The following LTBP3 variants were observed in gnomAD, a reference collection of about 807,000 sequenced individuals.
LTBP3 encodes the protein latent transforming growth factor beta binding protein 3.
Under a neutral mutation model 159.7 loss-of-function variants are expected in LTBP3, and 97 were observed. The ratio of observed to expected loss-of-function variants is 0.61; its 90% CI spans 0.52 to 0.72. The LOEUF (loss-of-function observed/expected upper bound fraction) is 0.72, where lower values mean the gene tolerates loss of function less well. Among genes scored for constraint, LTBP3 ranks in the 30% least tolerant of loss-of-function variants. LTBP3 has a pLI of 0.00. For synonymous variants in LTBP3, 824 were observed against 777.1 expected (o/e 1.06, Z -1.00); for missense variants, 1,584 against 1,864.3 (o/e 0.85, Z 2.77).
chr11:65,553,413 C>G lies in LTBP3; in HGVS notation c.970+12G>C. 2 of 1,608,642 alleles carry G rather than the reference C, an allele frequency of 1.2e-6. No individual in the cohort carries two copies. The highest frequency in any genetic ancestry group is 8.5e-7 in the Non-Finnish European group (1 of 1,177,000). On this transcript the variant is annotated intron_variant, in intron 4 of 27. Coordinates refer to ENST00000301873, the MANE Select transcript of LTBP3 (RefSeq NM_001130144.3). This position sits in a 1 kb window ranked among gnomAD's most constrained non-coding sequence, Gnocchi z 6.5. ...ACCAGATAGGGAACGCCCCCTGAGC[C>G]CAAGCACTCACACTGCAGCTGGGGA...
chr11:65,552,594 C>A lies in LTBP3; in HGVS notation c.1187-188G>T, dbSNP rs972729215. Among the ~76,000 whole-genome samples, 1 of 152,118 alleles carries A rather than the reference C, an allele frequency of 6.6e-6. No homozygotes were observed. On this transcript the variant is annotated intron_variant, in intron 6 of 27. Transcript: ENST00000301873. This position sits in a 1 kb window ranked among gnomAD's most constrained non-coding sequence, Gnocchi z 6.0. ...TGTGACCACTGACCCCATTGACTCC[C>A]GATTCTAGCTATCCTGGACTTCACC...
chr11:65,556,155 C>T (rs968192521), intron 1 of LTBP3, among the ~76,000 whole-genome samples: 1 of 152,088 alleles, frequency 6.6e-6, no homozygotes, highest in East Asian at 1.9e-4. Context: ...GATGGACACA[C>T]GTACACTCAC....
At chr11:65,543,620 C>G (rs1856248664) in intron 16 of LTBP3, 71 bp from the exon 17 acceptor site, 1 of 1,595,748 alleles carries the variant, frequency 6.3e-7, no homozygotes, top group African/African-American at 1.3e-5. Context: ...TTTCTCACTT[C>G]TGCGCATGGC....
At chr11:65,548,947 G>A (rs920695462) in intron 11 of LTBP3, 6 of 152,186 alleles carry the variant, frequency 3.9e-5, no homozygotes, top group South Asian at 2.1e-4. Flanking sequence ...CAGCTGGGTT[G>A]GCAGTTCCCT....
chr11:65,541,474 C>T (rs1468602247), intron 19 of LTBP3, 126 bp downstream of exon 19: 1 of 1,526,368 alleles, frequency 6.6e-7, no homozygotes, highest in African/African-American at 1.4e-5. Flanking sequence ...ACCAGACTCC[C>T]CCAGCCAAAA....
Position 65,552,298 on chromosome 11 carries a change from A to G in LTBP3, c.1295T>C (p.Val432Ala). Residue 432 changes from valine (V) to alanine (A), a missense_variant, in exon 7 of 28, where the codon GTC (valine) becomes GCC (alanine). Val to Ala is a moderately conservative substitution (Grantham distance 64). Around this residue, in one of 6 missense-constraint regions of LTBP3, gnomAD observed 156 missense variants for 259.7 expected, o/e 0.60. Coordinates refer to ENST00000301873, the MANE Select transcript of LTBP3 (RefSeq NM_001130144.3). This position sits in a 1 kb window ranked among gnomAD's most constrained non-coding sequence, Gnocchi z 6.0. The part of the protein sequence containing the change: ...RLTRQLCCCS[V>A]GKAWGARCQR... ...ACACCGCGCGCCCCAGGCCTTGCCG[A>G]CACTGCAGCAGCAGAGCTGGCGGGT... The G allele has an allele frequency of 6.2e-7, 1 of 1,614,130 alleles. No individual in the cohort carries two copies. The highest frequency in any genetic ancestry group is 8.5e-7 in the Non-Finnish European group (1 of 1,180,014).
rs750231928 is a variant in LTBP3, at chr11:65,553,226, C to A, written c.1001G>T (p.Arg334Leu). The A allele has an allele frequency of 6.2e-7, 1 of 1,614,142 alleles. No homozygotes were observed. Among genetic ancestry groups the A allele is most frequent in the Non-Finnish European group, 8.5e-7 (1 of 1,180,014 alleles). The change falls in exon 5 of 28, where the codon CGT becomes CTT. Residue 334 changes from arginine (R) to leucine (L), a missense_variant. Physicochemically the swap from Arg to Leu is moderately radical, Grantham distance 102. This residue lies in a region of LTBP3 where 156 missense variants were observed against 259.7 expected (regional missense o/e 0.60). Transcript: ENST00000301873. This position sits in a 1 kb window ranked among gnomAD's most constrained non-coding sequence, Gnocchi z 6.5. ...YTGVQKPGPV[R>L]GEVGADCPQG... ...GGGACAGTCAGCGCCCACTTCCCCA[C>A]GTACAGGCCCTGGCTTCTGCACTCC...
intron 11 of LTBP3, among the ~76,000 whole-genome samples, chr11:65,549,567 C>CTTTTTTTTTTTTTTTTTT (rs748132211): frequency 6.2e-5 from 4 of 64,746 alleles, no homozygotes; most frequent in East Asian, 4.9e-4. Flanking sequence ...CCCAGCTAAT[C>CTTTTTTTTTTTTTTTTTT]TTTTTTTTTT....
chr11:65,554,699 C>G lies in LTBP3; in HGVS notation c.332-319G>C, dbSNP rs1261425100. 6.6e-6 allele frequency among the ~76,000 whole-genome samples: 1 copy of G among 152,084 alleles called. No homozygotes were observed. The highest frequency in any genetic ancestry group is 2.4e-5 in the African/African-American group (1 of 41,390). Reference sequence around the variant, plus strand: ...AGATGAGGTAAGGGCTGTACAAATGCTTACCCCAGGGCCTGGTACACAAAG... The same window carrying G: ...AGATGAGGTAAGGGCTGTACAAATGGTTACCCCAGGGCCTGGTACACAAAG... On this transcript the variant is annotated intron_variant, in intron 1 of 27. Coordinates refer to ENST00000301873, the MANE Select transcript of LTBP3 (RefSeq NM_001130144.3). This position sits in a 1 kb window ranked among gnomAD's most constrained non-coding sequence, Gnocchi z 5.3.
Position 65,553,977 on chromosome 11 carries a change from T to C in LTBP3, c.661+74A>G, listed in dbSNP as rs1161527942. On this transcript the variant is annotated intron_variant, in intron 2 of 27. Coordinates refer to ENST00000301873, the MANE Select transcript of LTBP3 (RefSeq NM_001130144.3). This position sits in a 1 kb window ranked among gnomAD's most constrained non-coding sequence, Gnocchi z 6.5. ...TCACCGCGCTGAGCTCCTCCAGGGC[T>C]GAACCTGCCCTGCCCTGGCCACCCT... 3 of 1,567,086 alleles carry C rather than the reference T, an allele frequency of 1.9e-6. No individual in the cohort carries two copies. Among genetic ancestry groups the C allele is most frequent in the Non-Finnish European group, 2.6e-6 (3 of 1,156,238 alleles).
chr11:65,552,246 A>G lies in LTBP3; in HGVS notation c.1345+2T>C. On this transcript the variant is annotated splice_donor_variant, in intron 7 of 27. Coordinates refer to ENST00000301873, the MANE Select transcript of LTBP3 (RefSeq NM_001130144.3). LOFTEE classifies it high-confidence loss of function. This position sits in a 1 kb window ranked among gnomAD's most constrained non-coding sequence, Gnocchi z 6.0. ...CCCTATCCCCGGGTAACCCTGACTC[A>G]CCGGTGCCATCTGTTGGGCAGCGCT... is the stretch of plus-strand genomic sequence containing the variant. 1 of 1,614,118 alleles carries G rather than the reference A, an allele frequency of 6.2e-7. No individual in the cohort carries two copies. Among genetic ancestry groups the G allele is most frequent in the Non-Finnish European group, 8.5e-7 (1 of 1,179,998 alleles).
chr11:65,541,459 G>T, intron 19 of LTBP3, 141 bp downstream of exon 19: 2 of 1,461,504 alleles, frequency 1.4e-6, no homozygotes, highest in Non-Finnish European at 1.9e-6. Context: ...TCATCGTCTG[G>T]CCCCACCAGA....
chr11:65,547,519 C>T lies in LTBP3; in HGVS notation c.2027G>A (p.Cys676Tyr). 1 of 1,614,052 alleles carries T rather than the reference C, an allele frequency of 6.2e-7. No individual in the cohort carries two copies. ...CTTGTAGTGACCGGGAAAGTTGATG[C>T]AGAAGCCGCCGTCGCCGCACAGGTG... ...KPHLCGDGGF[C>Y]INFPGHYKCN... The change falls in exon 14 of 28, where the codon TGC becomes TAC. Residue 676 changes from cysteine to tyrosine, a missense_variant. Cys to Tyr is a radical substitution (Grantham distance 194). Coordinates refer to ENST00000301873, the MANE Select transcript of LTBP3 (RefSeq NM_001130144.3). The surrounding 1 kb of genome is among the most constrained non-coding windows in gnomAD (Gnocchi z 4.6).
chr11:65,539,393 G>T lies in LTBP3; in HGVS notation c.3695C>A (p.Pro1232Gln). 1 of 1,521,276 alleles carries T rather than the reference G, an allele frequency of 6.6e-7. No homozygotes were observed. 94.2% of individuals were successfully genotyped at this position (1,521,276 alleles called of 1,614,324 possible). The change falls in exon 27 of 28, where the codon CCG becomes CAG. Residue 1232 changes from proline to glutamine, a missense_variant. Around this residue, in one of 6 missense-constraint regions of LTBP3, gnomAD observed 514 missense variants for 530.3 expected, o/e 0.97. Coordinates refer to ENST00000301873, the MANE Select transcript of LTBP3 (RefSeq NM_001130144.3). ...RCVSGRCVPR[P>Q]GGAVCECPGG... is the part of the protein sequence containing the mutation. Reference sequence around the variant, plus strand: ...GGGACACTCGCACACGGCGCCGCCCGGCCGCGGCACGCAGCGGCCACTCAC... The same window carrying T: ...GGGACACTCGCACACGGCGCCGCCCTGCCGCGGCACGCAGCGGCCACTCAC...
rs1269031802 is a variant in LTBP3 at position 65,540,389 on chromosome 11, G to A, written c.3107-7C>T. 6.2e-7 allele frequency: 1 copy of A among 1,602,854 alleles called. No homozygotes were observed. The highest frequency in any genetic ancestry group is 8.5e-7 in the Non-Finnish European group (1 of 1,175,504). ...TCCAGGCACTCGTCCACGTCTGCAGGGAGGAAAAGCGTGGGTAGCAGGGGC... is the reference window on the plus strand; with the variant it reads ...TCCAGGCACTCGTCCACGTCTGCAGAGAGGAAAAGCGTGGGTAGCAGGGGC... On this transcript the variant is annotated splice_polypyrimidine_tract_variant and splice_region_variant and intron_variant, in intron 22 of 27. Transcript: ENST00000301873.
intron 18 of LTBP3, 94 bp from the exon 19 acceptor site, chr11:65,541,822 C>T: frequency 1.4e-6 from 2 of 1,473,922 alleles, no homozygotes; most frequent in Non-Finnish European, 1.9e-6. Context: ...CCTGAATTTC[C>T]ACTTTGGTTT....
chr11:65,551,799 C>A, intron 8 of LTBP3, 173 bp downstream of exon 8: 1 of 946,796 alleles, frequency 1.1e-6, no homozygotes, highest in Admixed American at 1.8e-5. Flanking sequence ...GAGGTTATAG[C>A]TCAGGGTCAA....
At position 65,538,940 on chromosome 11, in the gene LTBP3, C is replaced by G; in HGVS notation, c.*140G>C. 1 of 1,298,092 alleles carries G rather than the reference C, an allele frequency of 7.7e-7. No homozygotes were observed. The highest frequency in any genetic ancestry group is 9.8e-7 in the Non-Finnish European group (1 of 1,019,874). The allele number at this position is 1,298,092 out of a possible 1,614,324, so 80.4% of individuals were successfully genotyped here. The stretch of plus-strand genomic sequence containing the variant: ...GGGAGGGGGGCCGGTAGGGGCGCCT[C>G]GGGTCTCAAGGCGCCGGGAGGGTCT... On this transcript the variant is annotated 3_prime_UTR_variant, in exon 28 of 28. Coordinates refer to ENST00000301873, the MANE Select transcript of LTBP3 (RefSeq NM_001130144.3).
chr11:65,543,042 T>G (rs1303336774), intron 18 of LTBP3, 63 bp downstream of exon 18: 3 of 1,606,446 alleles, frequency 1.9e-6, no homozygotes, highest in Non-Finnish European at 1.7e-6. Flanking sequence ...AAGGCCACAG[T>G]GTGTCTAGGG....
Sources: gnomAD v4.1 joint callset for allele counts (sites outside exome capture counted in the v4.1 genomes callset) on GRCh38, gnomAD v4.1.1 for gene constraint, gnomAD v4.1.1 regional missense constraint, Gnocchi (gnomAD v3.1) non-coding constraint, MANE v1.5 for transcripts, NCBI Gene and HGNC (gene_info 2026-07-23, HGNC 2026-07-21) for gene names.